The following FHIP1A variants were observed in gnomAD, a reference collection of about 807,000 sequenced individuals.
The protein encoded by FHIP1A is FHF complex subunit HOOK-interacting protein 1A.
FHIP1A carries 61 observed loss-of-function variants against 88.6 expected under a neutral mutation model. The observed-to-expected ratio is 0.69, with a 90% CI of 0.56 to 0.85. FHIP1A has a LOEUF of 0.85. Among genes scored for constraint, FHIP1A ranks in the 40% least tolerant of loss-of-function variants. The probability of loss-of-function intolerance (pLI) is 0.00; values close to 1 mark genes in which losing one functional copy is unlikely to be tolerated. For synonymous variants in FHIP1A, 478 were observed against 496.0 expected, an observed-to-expected ratio of 0.96 and a Z score of 0.48; for missense variants, 1,154 against 1,273.5, an observed-to-expected ratio of 0.91 and a Z score of 1.43.
intron 4 of FHIP1A, among the ~76,000 whole-genome samples, chr4:151,576,146 G>A (rs1733782649): frequency 6.6e-6 from 1 of 152,210 alleles, no homozygotes; most frequent in Non-Finnish European, 1.5e-5. Context: ...CAAAGTGGAA[G>A]TAAGTATCTG....
At chr4:151,653,593 T>C (rs150543274) in intron 11 of FHIP1A, among the ~76,000 whole-genome samples, 185 of 152,326 alleles carry the variant, frequency 1.2e-3, no homozygotes, top group African/African-American at 3.8e-3. Context: ...GCACATTGCC[T>C]GGCAGGTAGG....
intron 3 of FHIP1A, among the ~76,000 whole-genome samples, chr4:151,550,497 A>G (rs1469021013): frequency 6.6e-6 from 1 of 152,124 alleles, no homozygotes; most frequent in Non-Finnish European, 1.5e-5. Context: ...GTTAATTCTT[A>G]AGATTGGTTT....
At chr4:151,649,415 C>T (rs757301030) in intron 10 of FHIP1A, 44 bp from the exon 11 acceptor site, 94 of 1,431,742 alleles carry the variant, frequency 6.6e-5, no homozygotes, top group Non-Finnish European at 8.3e-5. Flanking sequence ...CTACCTTTGT[C>T]CCCACACCTC....
At chr4:151,655,000 C>T (rs1445820726) in intron 11 of FHIP1A, among the ~76,000 whole-genome samples, 2 of 152,168 alleles carry the variant, frequency 1.3e-5, no homozygotes, top group Admixed American at 1.3e-4. Context: ...GTAAAGGTTT[C>T]GGTTTGGTGT....
chr4:151,552,585 C>T (rs1330373502), intron 3 of FHIP1A, among the ~76,000 whole-genome samples: 1 of 151,902 alleles, frequency 6.6e-6, no homozygotes, highest in East Asian at 1.9e-4. Context: ...GATAGAAAAC[C>T]AAATACCGCA....
intron 2 of FHIP1A, among the ~76,000 whole-genome samples, chr4:151,463,440 G>T (rs1729205285): frequency 6.6e-6 from 1 of 152,218 alleles, no homozygotes; most frequent in African/African-American, 2.4e-5. Flanking sequence ...AGGGCACCTT[G>T]ATCGTCACAG....
intron 3 of FHIP1A, among the ~76,000 whole-genome samples, chr4:151,515,189 A>G (rs896971940): frequency 1.3e-4 from 20 of 152,070 alleles, no homozygotes; most frequent in African/African-American, 4.8e-4. Flanking sequence ...TATAAACAGA[A>G]CCAAAGACAA....
chr4:151,492,015 A>G (rs2126648529), intron 3 of FHIP1A, among the ~76,000 whole-genome samples: 1 of 152,310 alleles, frequency 6.6e-6, no homozygotes, highest in East Asian at 1.9e-4. Flanking sequence ...AATTACTACT[A>G]CACCTAAGAA....
rs932397870 is a variant in FHIP1A, at chr4:151,482,231, T to C, written c.-247-293T>C. ...GGATATGGATTTATTTTCACACTTT[T>C]TTTCACTCCCAAAAGAAGCATATAA... On this transcript the variant is annotated intron_variant, in intron 2 of 13. Transcript: ENST00000435205. Among the ~76,000 whole-genome samples the C allele has an allele frequency of 1.1e-4, 17 of 152,244 alleles. 1 individual carries two copies. The highest frequency in any genetic ancestry group is 4.1e-4 in the South Asian group (2 of 4,828).
At chr4:151,499,493 T>A (rs1016753048) in intron 3 of FHIP1A, among the ~76,000 whole-genome samples, 2 of 152,192 alleles carry the variant, frequency 1.3e-5, no homozygotes, top group African/African-American at 4.8e-5. Flanking sequence ...ACCATGTTAT[T>A]CCTGACCAGA....
intron 3 of FHIP1A, among the ~76,000 whole-genome samples, chr4:151,553,663 G>T (rs151183658): frequency 0.021 from 3,247 of 152,254 alleles, 47 homozygotes; most frequent in Non-Finnish European, 0.031. Flanking sequence ...TTTCTAGACT[G>T]TTTGAGTGAT....
At chr4:151,670,503 AT>A (rs1243238061), downstream of FHIP1A, 3 of 152,122 alleles carry the variant, frequency 2.0e-5, no homozygotes, top group East Asian at 5.8e-4. Context: ...TGGAAAACTT[AT>A]TTTTTTAATT....
At chr4:151,564,349 G>A (rs1339153097) in intron 3 of FHIP1A, among the ~76,000 whole-genome samples, 1 of 152,178 alleles carries the variant, frequency 6.6e-6, no homozygotes, top group Non-Finnish European at 1.5e-5. Flanking sequence ...GAAATGTAGT[G>A]TGTAGAATAA....
intron 3 of FHIP1A, among the ~76,000 whole-genome samples, chr4:151,498,659 C>CA (rs1481814240): frequency 1.3e-5 from 2 of 151,966 alleles, no homozygotes; most frequent in Admixed American, 1.3e-4. Context: ...ACTAAAAATA[C>CA]AAAAAATTAG....
intron 4 of FHIP1A, among the ~76,000 whole-genome samples, chr4:151,577,222 A>T (rs1217049669): frequency 6.6e-6 from 1 of 152,114 alleles, no homozygotes; most frequent in Admixed American, 6.6e-5. Flanking sequence ...AGATTGTTGA[A>T]ATTTATAACT....
At chr4:151,554,795 T>C (rs1732881877) in intron 3 of FHIP1A, among the ~76,000 whole-genome samples, 1 of 152,218 alleles carries the variant, frequency 6.6e-6, no homozygotes, top group African/African-American at 2.4e-5. Flanking sequence ...TTTATACTTT[T>C]GCAACCATTT....
At chr4:151,561,759 A>G (rs937644709) in intron 3 of FHIP1A, among the ~76,000 whole-genome samples, 7 of 152,188 alleles carry the variant, frequency 4.6e-5, no homozygotes, top group Non-Finnish European at 8.8e-5. Context: ...AATAAACAAA[A>G]AAAACCTCAA....
intron 1 of FHIP1A, among the ~76,000 whole-genome samples, chr4:151,427,558 A>G (rs917551984): frequency 1.3e-5 from 2 of 152,112 alleles, no homozygotes; most frequent in Non-Finnish European, 2.9e-5. Flanking sequence ...TTTGTGGTAT[A>G]TGTGTTCATA....
chr4:151,589,089 A>G (rs1734329237), intron 7 of FHIP1A, among the ~76,000 whole-genome samples, 163 bp downstream of exon 7: 2 of 152,208 alleles, frequency 1.3e-5, no homozygotes, highest in Non-Finnish European at 2.9e-5. Flanking sequence ...TAAAATGGCC[A>G]CAGCTTAAAC....
Sources: allele counts gnomAD v4.1 joint callset (sites outside exome capture counted in the v4.1 genomes callset), GRCh38; gene constraint gnomAD v4.1.1; transcripts MANE v1.5; gene names NCBI Gene and HGNC (gene_info 2026-07-23, HGNC 2026-07-21).